DDN: variants seen among roughly 807,000 people sequenced by gnomAD.
DDN encodes dendrin.
DDN carries 4 observed loss-of-function variants against 7.3 expected under a neutral mutation model. The ratio of observed to expected loss-of-function variants is 0.55; its 90% CI spans 0.27 to 1.25. DDN has a LOEUF of 1.25. Ranked by LOEUF, DDN falls within the 50% of genes most tolerant of loss-of-function variation. DDN has a pLI of 0.12. For missense variants in DDN, 933 were observed against 974.7 expected (o/e 0.96, Z 0.57); for synonymous variants, 425 against 424.3 (o/e 1.00, Z -0.02).
At position 48,995,286 on chromosome 12, in the gene DDN, A is replaced by G. The variant is rs1941187210; in HGVS notation, c.*1454T>C. On this transcript the variant is annotated 3_prime_UTR_variant, in exon 2 of 2. Transcript: ENST00000421952. ...ATAAACCCCCATTTGACAGATGAGGAAACTGAGGCTCAGGGAGGTGAAGTG... is the reference window on the plus strand; with the variant it reads ...ATAAACCCCCATTTGACAGATGAGGGAACTGAGGCTCAGGGAGGTGAAGTG... 6.4e-6 allele frequency: 1 copy of G among 155,240 alleles called. No individual in the cohort carries two copies. Among genetic ancestry groups the G allele is most frequent in the Non-Finnish European group, 1.4e-5 (1 of 70,466 alleles). 9.6% of individuals were successfully genotyped at this position (155,240 alleles called of 1,614,324 possible).
chr12:48,997,958 C>T lies in DDN; in HGVS notation c.918G>A (p.Arg306=), dbSNP rs1941237395. Residue 306 remains arginine (R), a synonymous_variant, in exon 2 of 2, where the codon AGG becomes AGA. Transcript: ENST00000421952. ...GSPGCGAARA[R]PEPGKGVVEK... The stretch of plus-strand genomic sequence containing the variant: ...CCACGACCCCCTTGCCGGGCTCTGG[C>T]CTTGCTCTGGCCGCTCCACAGCCTG... 1 of 1,613,006 alleles carries T rather than the reference C, an allele frequency of 6.2e-7. No individual in the cohort carries two copies. Among genetic ancestry groups the T allele is most frequent in the African/African-American group, 1.3e-5 (1 of 74,944 alleles).
Position 48,996,866 on chromosome 12 carries a change from A to C in DDN, c.2010T>G (p.Asp670Glu). 2 of 1,614,144 alleles carry C rather than the reference A, an allele frequency of 1.2e-6. No homozygotes were observed. Among genetic ancestry groups the C allele is most frequent in the Non-Finnish European group, 1.7e-6 (2 of 1,180,024 alleles). Residue 670 changes from aspartate to glutamate, a missense_variant, in exon 2 of 2, where the codon GAT becomes GAG. Physicochemically the swap from Asp to Glu is conservative, Grantham distance 45. Coordinates refer to ENST00000421952, the MANE Select transcript of DDN (RefSeq NM_015086.2). ...PEVGNSSPEE[D>E]GKTAELSDSV... ...TGTCGCTCAGTTCCGCTGTCTTCCC[A>C]TCTTCCTCTGGCGAACTGTTTCCAA...
chr12:48,998,162 C>G lies in DDN; in HGVS notation c.714G>C (p.Arg238Ser). ...CGGGGCCTCTCTTAGTCCCCAAGGT[C>G]CTATGGGGGCCTTCGTAAGAAGGTG... The part of the protein sequence containing the change: ...VAPPSYEGPH[R>S]TLGTKRGPGN... Residue 238 changes from arginine to serine, a missense_variant, in exon 2 of 2, where the codon AGG becomes AGC. Physicochemically the swap from Arg to Ser is moderately radical, Grantham distance 110. Coordinates refer to ENST00000421952, the MANE Select transcript of DDN (RefSeq NM_015086.2). 6.2e-7 allele frequency: 1 copy of G among 1,613,058 alleles called. No homozygotes were observed. The highest frequency in any genetic ancestry group is 1.1e-5 in the South Asian group (1 of 91,076).
rs375026818 is a variant in DDN, at chr12:48,995,671, T to G, written c.*1069A>C. Reference sequence around the variant, plus strand: ...CCGGCCTCTTTCCTTGCCTGGCCGGTTTCTGGAAGAGGCCAAGATGGGAGA... The same window carrying G: ...CCGGCCTCTTTCCTTGCCTGGCCGGGTTCTGGAAGAGGCCAAGATGGGAGA... On this transcript the variant is annotated 3_prime_UTR_variant, in exon 2 of 2. Transcript: ENST00000421952. The G allele has an allele frequency of 6.6e-6, 1 of 152,236 alleles. No individual in the cohort carries two copies. The highest frequency in any genetic ancestry group is 2.1e-4 in the South Asian group (1 of 4,828). 9.4% of individuals were successfully genotyped at this position (152,236 alleles called of 1,614,324 possible). A position where few individuals can be genotyped will look rare whatever the true frequency, so the allele number is the denominator to read the frequency against.
Position 48,995,648 on chromosome 12 carries a change from G to A in DDN, c.*1092C>T, listed in dbSNP as rs985421865. 1.3e-5 allele frequency: 2 copies of A among 152,286 alleles called. No homozygotes were observed. The highest frequency in any genetic ancestry group is 3.8e-4 in the East Asian group (2 of 5,204). 9.4% of individuals were successfully genotyped at this position (152,286 alleles called of 1,614,324 possible). On this transcript the variant is annotated 3_prime_UTR_variant, in exon 2 of 2. Transcript: ENST00000421952. ...CCACGCCTGCTGGCTTCTGGTGACC[G>A]GCCTCTTTCCTTGCCTGGCCGGTTT...
rs764360536 is a variant in DDN, at chr12:48,998,567, G to T, written c.309C>A (p.Ala103=). 4 of 1,591,238 alleles carry T rather than the reference G, an allele frequency of 2.5e-6. No individual in the cohort carries two copies. The Admixed American group carries it at 6.7e-5, about 27-fold the overall frequency. The change falls in exon 2 of 2, where the codon GCC becomes GCA. Residue 103 remains alanine, a synonymous_variant. Coordinates refer to ENST00000421952, the MANE Select transcript of DDN (RefSeq NM_015086.2). The part of the protein sequence containing the change: ...EATNWRAGPL[A]EVRAREQEKR... ...TCTCTTGCTCCCGAGCTCGGACCTC[G>T]GCCAGGGGCCCCGCCCGCCAGTTGG...
Position 48,996,911 on chromosome 12 carries a change from A to G in DDN, c.1965T>C (p.Asn655=), listed in dbSNP as rs1271083438. 3.1e-6 allele frequency: 5 copies of G among 1,611,836 alleles called. No homozygotes were observed. The highest frequency in any genetic ancestry group is 1.1e-5 in the South Asian group (1 of 90,848). The change falls in exon 2 of 2, where the codon AAT becomes AAC. Residue 655 remains asparagine (N), a synonymous_variant. Coordinates refer to ENST00000421952, the MANE Select transcript of DDN (RefSeq NM_015086.2). ...DTEAPGASWR[N]ERTLPEVGNS... is the part of the protein sequence containing the mutation. ...TTCCAACCTCGGGCAGGGTCCTCTC[A>G]TTCCGCCAGGAGGCGCCCGGGGCTT... is the stretch of plus-strand genomic sequence containing the variant.
rs1386205742 is a variant in DDN, at chr12:48,995,511, G to A, written c.*1229C>T. The A allele has an allele frequency of 6.6e-6, 1 of 152,460 alleles. No individual in the cohort carries two copies. The highest frequency in any genetic ancestry group is 6.5e-5 in the Admixed American group (1 of 15,292). 9.4% of individuals were successfully genotyped at this position (152,460 alleles called of 1,614,324 possible). A position where few individuals can be genotyped will look rare whatever the true frequency, so the allele number is the denominator to read the frequency against. Reference sequence around the variant, plus strand: ...CGCACGGCTGGAGACTGCAAGGCGGGGGACCCGCGCTCGGGAACTAGGGAT... The same window carrying A: ...CGCACGGCTGGAGACTGCAAGGCGGAGGACCCGCGCTCGGGAACTAGGGAT... On this transcript the variant is annotated 3_prime_UTR_variant, in exon 2 of 2. Transcript: ENST00000421952.
In DDN at chr12:48,996,674, G is replaced by A; in HGVS notation, c.*66C>T. 6.4e-7 allele frequency: 1 copy of A among 1,557,460 alleles called. No individual in the cohort carries two copies. Among genetic ancestry groups the A allele is most frequent in the Non-Finnish European group, 8.7e-7 (1 of 1,150,734 alleles). On this transcript the variant is annotated 3_prime_UTR_variant, in exon 2 of 2. Coordinates refer to ENST00000421952, the MANE Select transcript of DDN (RefSeq NM_015086.2). ...AAAGAGAAGCAAAGGAAGTCTGTGG[G>A]GAAGAATGGGGACCAGTGGACCCAA...
At position 48,996,755 on chromosome 12, in the gene DDN, A is replaced by T; in HGVS notation, c.2121T>A (p.Asn707Lys). The T allele has an allele frequency of 6.2e-7, 1 of 1,613,482 alleles. No individual in the cohort carries two copies. The highest frequency in any genetic ancestry group is 8.5e-7 in the Non-Finnish European group (1 of 1,179,528). Residue 707 changes from asparagine to lysine, a missense_variant, in exon 2 of 2, where the codon AAT (asparagine) becomes AAA (lysine). Coordinates refer to ENST00000421952, the MANE Select transcript of DDN (RefSeq NM_015086.2). The part of the protein sequence containing the change: ...VRDIRGTQQG[N>K]RKRQ Reference sequence around the variant, plus strand: ...AAGGGGCCTCTCACTGCCTCTTCCTATTTCCCTGTTGGGTCCCTCTGATGT... The same window carrying T: ...AAGGGGCCTCTCACTGCCTCTTCCTTTTTCCCTGTTGGGTCCCTCTGATGT...
rs746071802 is a variant in DDN at position 48,998,030 on chromosome 12, G to A, written c.846C>T (p.Leu282=). 4.3e-6 allele frequency: 7 copies of A among 1,613,660 alleles called. No homozygotes were observed. Among genetic ancestry groups the A allele is most frequent in the Non-Finnish European group, 5.9e-6 (7 of 1,180,048 alleles). Residue 282 remains leucine (L), a synonymous_variant, in exon 2 of 2, where the codon CTC becomes CTT. Coordinates refer to ENST00000421952, the MANE Select transcript of DDN (RefSeq NM_015086.2). The part of the protein sequence containing the change: ...RLDPRIYRDV[L]GAWGLRQGQG... ...GCCCCTGTCGGAGACCCCAAGCCCC[G>A]AGGACGTCCCGGTAGATCCGAGGAT...
rs1170893440 is a variant in DDN, at chr12:48,997,838, A to C, written c.1038T>G (p.Ala346=). 1 of 1,613,398 alleles carries C rather than the reference A, an allele frequency of 6.2e-7. No homozygotes were observed. The highest frequency in any genetic ancestry group is 1.7e-5 in the Admixed American group (1 of 59,982). Reference sequence around the variant, plus strand: ...GAGCCGCAGTTGCAGACCCCGCAGGAGCTATCTCGGTGCCTGCGCTCCCTG... The same window carrying C: ...GAGCCGCAGTTGCAGACCCCGCAGGCGCTATCTCGGTGCCTGCGCTCCCTG... ...KATGSAGTEI[A]PAGSATAAPC... The change falls in exon 2 of 2, where the codon GCT becomes GCG. Residue 346 remains alanine, a synonymous_variant. Transcript: ENST00000421952.
At position 48,996,767 on chromosome 12, in the gene DDN, G is replaced by A. The variant is rs374962529; in HGVS notation, c.2109C>T (p.Thr703=). 1.0e-4 allele frequency: 164 copies of A among 1,613,966 alleles called. 3 individuals carry two copies. The South Asian group carries it at 1.7e-3, about 17-fold the overall frequency. The change falls in exon 2 of 2, where the codon ACC becomes ACT. Residue 703 remains threonine (T), a synonymous_variant. Transcript: ENST00000421952. ...VLFGVRDIRG[T]QQGNRKRQ The stretch of plus-strand genomic sequence containing the variant: ...ACTGCCTCTTCCTATTTCCCTGTTG[G>A]GTCCCTCTGATGTCCCTCACCCCGA...
Position 48,997,258 on chromosome 12 carries a change from TG to T in DDN, c.1617del (p.Thr540HisfsTer17). 6.2e-7 allele frequency: 1 copy of T among 1,609,828 alleles called. No individual in the cohort carries two copies. The highest frequency in any genetic ancestry group is 8.5e-7 in the Non-Finnish European group (1 of 1,178,346). ...GEAEGGRPGD[S>X]TLEERTFRIL... ...ATGCGGAAAGTGCGCTCCTCCAGTG[TG>T]GAGTCCCCCGGCCTCCCGCCCTCAG... On this transcript the variant is annotated frameshift_variant, in exon 2 of 2. Transcript: ENST00000421952. LOFTEE classifies it low-confidence loss of function (END_TRUNC).
chr12:48,997,523 G>A lies in DDN; in HGVS notation c.1353C>T (p.Gly451=), dbSNP rs1941226655. ...CGCACGTGGCGTCAATGACAAAGAC[G>A]CCTTCCCCACGGGACAGGCCCTGGG... The part of the protein sequence containing the change: ...RSSQGLSRGE[G]VFVIDATCVV... Residue 451 remains glycine, a synonymous_variant, in exon 2 of 2, where the codon GGC becomes GGT. Coordinates refer to ENST00000421952, the MANE Select transcript of DDN (RefSeq NM_015086.2). 1 of 1,607,816 alleles carries A rather than the reference G, an allele frequency of 6.2e-7. No homozygotes were observed. The highest frequency in any genetic ancestry group is 8.5e-7 in the Non-Finnish European group (1 of 1,175,528).
intron 1 of DDN, 97 bp from the exon 2 acceptor site, chr12:48,998,763 T>C: frequency 1.5e-6 from 2 of 1,358,232 alleles, no homozygotes; most frequent in Admixed American, 2.9e-5. Flanking sequence ...GGGGCAGCCA[T>C]GTGAAGGGGT....
intron 1 of DDN, 41 bp from the exon 2 acceptor site, chr12:48,998,707 G>A (rs1368241708): frequency 2.1e-6 from 3 of 1,451,888 alleles, no homozygotes; most frequent in African/African-American, 1.4e-5. Context: ...AGTTTGTGGG[G>A]GAAGGGAGCC....
In DDN at chr12:48,995,506, G is replaced by A. The variant is rs1256424865; in HGVS notation, c.*1234C>T. On this transcript the variant is annotated 3_prime_UTR_variant, in exon 2 of 2. Coordinates refer to ENST00000421952, the MANE Select transcript of DDN (RefSeq NM_015086.2). ...GGCCCCGCACGGCTGGAGACTGCAA[G>A]GCGGGGGACCCGCGCTCGGGAACTA... The A allele has an allele frequency of 6.6e-6, 1 of 152,382 alleles. No individual in the cohort carries two copies. Among genetic ancestry groups the A allele is most frequent in the Non-Finnish European group, 1.5e-5 (1 of 68,148 alleles). The allele number at this position is 152,382 out of a possible 1,614,324, so 9.4% of individuals were successfully genotyped here.
chr12:48,998,657 C>T lies in DDN; in HGVS notation c.219G>A (p.Pro73=). Residue 73 remains proline (P), a synonymous_variant, in exon 2 of 2, where the codon CCG becomes CCA. Transcript: ENST00000421952. The stretch of plus-strand genomic sequence containing the variant: ...GCGGCGGCTGTGGGGATCCCGGGCG[C>T]GGCCCACACCTGGGACAATGAGCAG... The part of the protein sequence containing the change: ...ARGFQNRTCG[P]RPGSPQPPPR... 7 of 1,507,028 alleles carry T rather than the reference C, an allele frequency of 4.6e-6. No homozygotes were observed. Among genetic ancestry groups the T allele is most frequent in the Non-Finnish European group, 6.2e-6 (7 of 1,137,938 alleles). The allele number at this position is 1,507,028 out of a possible 1,614,324, so 93.4% of individuals were successfully genotyped here.
Sources: allele counts gnomAD v4.1 joint callset, GRCh38; gene constraint gnomAD v4.1.1; transcripts MANE v1.5; gene names NCBI Gene and HGNC (gene_info 2026-07-23, HGNC 2026-07-21).